RALA: variants seen among roughly 807,000 people sequenced by gnomAD.
RALA encodes the protein RAS like proto-oncogene A, also known as ras-related protein Ral-A.
In RALA, 5 loss-of-function variants were observed where a neutral mutation model predicts 24.0. That is an observed-to-expected ratio of 0.21 (90% confidence interval 0.11 to 0.44). RALA has a LOEUF of 0.44. Among genes scored for constraint, RALA ranks in the 20% least tolerant of loss-of-function variants. The pLI is 0.99. For synonymous variants in RALA, 77 were observed against 83.8 expected (o/e 0.92, Z 0.44); for missense variants, 95 against 241.2 (o/e 0.39, Z 4.01).
intron 1 of RALA, among the ~76,000 whole-genome samples, chr7:39,674,203 C>G (rs1165324326): frequency 1.3e-5 from 2 of 152,114 alleles, no homozygotes; most frequent in Non-Finnish European, 2.9e-5. Context: ...CCTTAGCCTT[C>G]TAAAGCACTG....
intron 1 of RALA, among the ~76,000 whole-genome samples, chr7:39,633,566 C>T (rs1315416059): frequency 6.6e-6 from 1 of 152,196 alleles, no homozygotes; most frequent in Admixed American, 6.5e-5. Context: ...GTCCCTCCCT[C>T]AACAAGTGGG....
intron 1 of RALA, among the ~76,000 whole-genome samples, chr7:39,669,293 C>T (rs1792340625): frequency 6.6e-6 from 1 of 152,014 alleles, no homozygotes; most frequent in South Asian, 2.1e-4. Flanking sequence ...AACCTATCCC[C>T]CACCCTCTCC....
intron 1 of RALA, among the ~76,000 whole-genome samples, chr7:39,644,106 A>T (rs1213434924): frequency 6.6e-6 from 1 of 152,218 alleles, no homozygotes; most frequent in Admixed American, 6.5e-5. Flanking sequence ...ACTGAATATA[A>T]CTCAGAAATC....
intron 1 of RALA, among the ~76,000 whole-genome samples, chr7:39,647,682 C>T (rs1409731536): frequency 6.6e-6 from 1 of 152,082 alleles, no homozygotes; most frequent in Non-Finnish European, 1.5e-5. Context: ...GAAGAGACCT[C>T]ATGAATGGAA....
chr7:39,695,725 A>AT (rs1257146630), intron 3 of RALA, among the ~76,000 whole-genome samples: 3 of 151,970 alleles, frequency 2.0e-5, no homozygotes, highest in Non-Finnish European at 4.4e-5. Context: ...TTTAAAAGAT[A>AT]TTTTTTATTT....
intron 4 of RALA, among the ~76,000 whole-genome samples, chr7:39,697,909 T>C (rs1792949792): frequency 6.6e-6 from 1 of 152,008 alleles, no homozygotes; most frequent in Non-Finnish European, 1.5e-5. Context: ...CAGGATTCTA[T>C]TCAGGATACG....
intron 4 of RALA, among the ~76,000 whole-genome samples, chr7:39,705,753 AAATT>A (rs1397086356): frequency 2.0e-5 from 3 of 151,578 alleles, no homozygotes; most frequent in South Asian, 2.1e-4. Flanking sequence ...TATTAAATAT[AAATT>A]AATAAAATAC....
chr7:39,665,884 G>A (rs1407202033), intron 1 of RALA, among the ~76,000 whole-genome samples: 2 of 151,596 alleles, frequency 1.3e-5, no homozygotes, highest in Non-Finnish European at 2.9e-5. Context: ...CATCAATAGT[G>A]TGTCCTAGGG....
At chr7:39,676,884 T>C (rs1192398836) in intron 1 of RALA, among the ~76,000 whole-genome samples, 3 of 152,168 alleles carry the variant, frequency 2.0e-5, no homozygotes, top group Non-Finnish European at 4.4e-5. Flanking sequence ...TGGTAAGCAG[T>C]AGGCTGAGTA....
chr7:39,646,472 A>G (rs1389300723), intron 1 of RALA, among the ~76,000 whole-genome samples: 1 of 152,084 alleles, frequency 6.6e-6, no homozygotes, highest in Non-Finnish European at 1.5e-5. Flanking sequence ...AAATTTTTTT[A>G]AATGAGCCAG....
At chr7:39,701,502 G>A (rs1331238632) in intron 4 of RALA, among the ~76,000 whole-genome samples, 1 of 152,164 alleles carries the variant, frequency 6.6e-6, no homozygotes, top group Non-Finnish European at 1.5e-5. Context: ...ATGGGAGTGA[G>A]ACCCTATCTC....
At chr7:39,687,359 G>A (rs1014845796) in intron 2 of RALA, among the ~76,000 whole-genome samples, 9 of 151,948 alleles carry the variant, frequency 5.9e-5, no homozygotes, top group South Asian at 4.2e-4. Flanking sequence ...CCTGGGAGGC[G>A]GAGCTTGCAG....
intron 3 of RALA, among the ~76,000 whole-genome samples, chr7:39,694,018 A>G (rs763075646): frequency 6.6e-6 from 1 of 152,196 alleles, no homozygotes; most frequent in African/African-American, 2.4e-5. Flanking sequence ...AGTAATAATA[A>G]TAGTAACACT....
intron 3 of RALA, among the ~76,000 whole-genome samples, chr7:39,693,593 C>G (rs1792869518): frequency 6.6e-6 from 1 of 152,146 alleles, no homozygotes; most frequent in Non-Finnish European, 1.5e-5. Context: ...GAACAGCATT[C>G]AGGCCGTCAT....
chr7:39,657,790 A>G (rs1343169552), intron 1 of RALA, among the ~76,000 whole-genome samples: 1 of 152,194 alleles, frequency 6.6e-6, no homozygotes, highest in South Asian at 2.1e-4. Flanking sequence ...ATGAAATGCT[A>G]CAATTCTGCT....
intron 1 of RALA, among the ~76,000 whole-genome samples, chr7:39,651,242 T>C (rs971402360): frequency 1.3e-5 from 2 of 152,244 alleles, no homozygotes; most frequent in Non-Finnish European, 2.9e-5. Context: ...GTAGGCTAGG[T>C]GTATTAAATG....
At chr7:39,681,224 G>A (rs1792592736) in intron 1 of RALA, among the ~76,000 whole-genome samples, 1 of 145,466 alleles carries the variant, frequency 6.9e-6, no homozygotes, top group East Asian at 2.1e-4. Flanking sequence ...CATTATGATT[G>A]CATTTCTCCA....
intron 4 of RALA, among the ~76,000 whole-genome samples, chr7:39,697,979 G>GTGTGTA (rs1355394803): frequency 7.0e-6 from 1 of 141,976 alleles, no homozygotes; most frequent in Non-Finnish European, 1.5e-5. Flanking sequence ...GTGTGTATGT[G>GTGTGTA]TGTGTATGTG....
At chr7:39,683,840 AACACACACAC>A (rs71964842) in intron 1 of RALA, among the ~76,000 whole-genome samples, 21 of 147,954 alleles carry the variant, frequency 1.4e-4, no homozygotes, top group East Asian at 3.9e-4. Flanking sequence ...TTTTCTTTTG[AACACACACAC>A]ACACACACAC....
Sources: gnomAD v4.1 joint callset for allele counts (sites outside exome capture counted in the v4.1 genomes callset) on GRCh38, gnomAD v4.1.1 for gene constraint, MANE v1.5 for transcripts, NCBI Gene and HGNC (gene_info 2026-07-23, HGNC 2026-07-21) for gene names.